The following PPP1R21 variants were observed in gnomAD, a reference collection of about 807,000 sequenced individuals.
PPP1R21 encodes the protein KLRAQ motif containing 1.
In PPP1R21, 85 loss-of-function variants were observed where a neutral mutation model predicts 112.8. The observed-to-expected ratio is 0.75, with a 90% CI of 0.63 to 0.90. PPP1R21 has a LOEUF of 0.90. PPP1R21 is among the 40% of genes least tolerant of loss of function. The pLI, the probability that PPP1R21 is intolerant of heterozygous loss-of-function variation, is 0.00. For missense variants in PPP1R21, 1,199 were observed against 901.5 expected, an observed-to-expected ratio of 1.33 and a Z score of -4.23; for synonymous variants, 381 against 322.3, an observed-to-expected ratio of 1.18 and a Z score of -1.95.
chr2:48,452,718 A>G (rs187164235), intron 2 of PPP1R21, among the ~76,000 whole-genome samples: 70 of 152,130 alleles, frequency 4.6e-4, no homozygotes, highest in East Asian at 3.9e-3. Flanking sequence ...GGTGTAATCA[A>G]TGCTCATTGA....
At chr2:48,461,631 A>G (rs1227341175) in intron 7 of PPP1R21, among the ~76,000 whole-genome samples, 2 of 152,180 alleles carry the variant, frequency 1.3e-5, no homozygotes, top group Non-Finnish European at 2.9e-5. Context: ...AATTCCCAGC[A>G]ATAGCTACGA....
At position 48,514,975 on chromosome 2, in the gene PPP1R21, A is replaced by G. The variant is rs1670809601; in HGVS notation, c.*231A>G. The stretch of plus-strand genomic sequence containing the variant: ...GTAAATGGAAAACAATACGTATGTC[A>G]TGGATATTGTAGGTTTCCTTATGCT... On this transcript the variant is annotated 3_prime_UTR_variant, in exon 22 of 22. Transcript: ENST00000294952. 1 of 528,802 alleles carries G rather than the reference A, an allele frequency of 1.9e-6. No individual in the cohort carries two copies. Among genetic ancestry groups the G allele is most frequent in the South Asian group, 3.0e-5 (1 of 33,390 alleles). The allele number at this position is 528,802 out of a possible 1,614,324, so 32.8% of individuals were successfully genotyped here.
At chr2:48,471,485 G>A in intron 11 of PPP1R21, 118 bp downstream of exon 11, 1 of 1,012,466 alleles carries the variant, frequency 9.9e-7, no homozygotes, top group Non-Finnish European at 1.4e-6. Context: ...CTGCTTCACA[G>A]TTAATTTGGA....
chr2:48,506,944 C>CAAA (rs11314362), intron 18 of PPP1R21, among the ~76,000 whole-genome samples: 1 of 96,472 alleles, frequency 1.0e-5, no homozygotes, highest in Non-Finnish European at 2.1e-5. Context: ...GACTCTGCCT[C>CAAA]AAAAAAAAAA....
chr2:48,445,882 C>T (rs537144506), intron 1 of PPP1R21, among the ~76,000 whole-genome samples: 113 of 152,276 alleles, frequency 7.4e-4, no homozygotes, highest in African/African-American at 2.6e-3. Flanking sequence ...GTAGGATTCC[C>T]AGTAATTTGG....
chr2:48,506,378 G>T (rs1353110042), intron 18 of PPP1R21, among the ~76,000 whole-genome samples: 1 of 152,120 alleles, frequency 6.6e-6, no homozygotes, highest in Non-Finnish European at 1.5e-5. Context: ...ACAGGCGTGA[G>T]CCACTGTGCC....
At chr2:48,491,243 T>C (rs1031808585) in intron 15 of PPP1R21, 73 bp downstream of exon 15, 2 of 1,509,172 alleles carry the variant, frequency 1.3e-6, no homozygotes, top group African/African-American at 1.4e-5. Context: ...CAAGAGTTTT[T>C]CTGCAGTTTA....
intron 1 of PPP1R21, among the ~76,000 whole-genome samples, chr2:48,442,891 T>G (rs1667095687): frequency 6.6e-6 from 1 of 152,042 alleles, no homozygotes; most frequent in South Asian, 2.1e-4. Context: ...AATGGAGAGA[T>G]GCCAAAGGTT....
At position 48,505,557 on chromosome 2, in the gene PPP1R21, G is replaced by A. The variant is rs1322799894; in HGVS notation, c.1936-7G>A. 1.9e-6 allele frequency: 3 copies of A among 1,547,374 alleles called. No individual in the cohort carries two copies. The highest frequency in any genetic ancestry group is 1.8e-6 in the Non-Finnish European group (2 of 1,142,536). ...TGTTCTAAAAGATTTTTCCCCTTAT[G>A]TTCTAGATTGGGACTTTAACCAGGA... is the stretch of plus-strand genomic sequence containing the variant. On this transcript the variant is annotated splice_polypyrimidine_tract_variant and splice_region_variant and intron_variant, in intron 17 of 21. Transcript: ENST00000294952.
intron 18 of PPP1R21, 130 bp downstream of exon 18, chr2:48,505,726 G>T: frequency 1.3e-6 from 1 of 788,620 alleles, no homozygotes; most frequent in Non-Finnish European, 2.2e-6. Context: ...AGCAAATGTG[G>T]AGCCAGTGTT....
intron 7 of PPP1R21, among the ~76,000 whole-genome samples, chr2:48,464,072 C>T (rs11678825): frequency 0.079 from 12,043 of 152,060 alleles, 675 homozygotes; most frequent in Non-Finnish European, 0.12. Flanking sequence ...GGACTTTACT[C>T]GGGATTCGTG....
chr2:48,448,327 CT>C (rs1667336612), intron 1 of PPP1R21, among the ~76,000 whole-genome samples: 1 of 152,164 alleles, frequency 6.6e-6, no homozygotes, highest in South Asian at 2.1e-4. Context: ...ACAGCAATAG[CT>C]TGAAAGTTTC....
At chr2:48,467,360 A>G (rs984505941) in intron 9 of PPP1R21, among the ~76,000 whole-genome samples, 1 of 152,254 alleles carries the variant, frequency 6.6e-6, no homozygotes, top group African/African-American at 2.4e-5. Flanking sequence ...TGTTGTGAGT[A>G]TATTAGCTAT....
intron 12 of PPP1R21, chr2:48,479,363 G>A (rs915155483): frequency 3.5e-5 from 14 of 403,072 alleles, no homozygotes; most frequent in East Asian, 7.3e-5. Context: ...TTTAAATACC[G>A]TAGCCTCTCA....
chr2:48,445,575 C>T (rs1221585645), intron 1 of PPP1R21, among the ~76,000 whole-genome samples: 1 of 152,158 alleles, frequency 6.6e-6, no homozygotes, highest in Non-Finnish European at 1.5e-5. Context: ...CCAAAGACCA[C>T]ACTTGGGACA....
In PPP1R21 at chr2:48,510,052, A is replaced by G; in HGVS notation, c.2123A>G (p.Lys708Arg). The change falls in exon 20 of 22, where the codon AAG becomes AGG. Residue 708 changes from lysine to arginine, a missense_variant. By Grantham distance (26) the Lys-to-Arg change is conservative. Transcript: ENST00000294952. ...ALSKRLALAE[K>R]SKEALTEEMK... The stretch of plus-strand genomic sequence containing the variant: ...TCTAAAAGACTGGCCTTGGCTGAAA[A>G]GTCTAAGGAAGCATTGACAGAAGAA... 6.2e-7 allele frequency: 1 copy of G among 1,613,936 alleles called. No individual in the cohort carries two copies. Among genetic ancestry groups the G allele is most frequent in the Non-Finnish European group, 8.5e-7 (1 of 1,179,832 alleles).
At position 48,463,248 on chromosome 2, in the gene PPP1R21, G is replaced by A. The variant is rs969336558; in HGVS notation, c.695-1689G>A. 3.3e-5 allele frequency among the ~76,000 whole-genome samples: 5 copies of A among 152,212 alleles called. No homozygotes were observed. In the East Asian group the frequency reaches 9.6e-4, roughly 29 times the overall value. The stretch of plus-strand genomic sequence containing the variant: ...GGTCCTTGGTGAGTTCTCCATCCCA[G>A]TGATCAGGAGGCAGAGGGGAGCTGT... On this transcript the variant is annotated intron_variant, in intron 7 of 21. Coordinates refer to ENST00000294952, the MANE Select transcript of PPP1R21 (RefSeq NM_001135629.3).
intron 9 of PPP1R21, among the ~76,000 whole-genome samples, chr2:48,468,825 ATGTATGTG>A (rs1424726898): frequency 2.3e-5 from 1 of 43,906 alleles, no homozygotes; most frequent in Non-Finnish European, 5.0e-5. Context: ...AAGAAAAAAA[ATGTATGTG>A]TGTGTGTGTG....
In PPP1R21 at chr2:48,511,488, G is replaced by T; in HGVS notation, c.2313+20G>T. ...AGTAAGGTATGTGAGGTGAGGTGAGGTAGTCTCTCTGCAATATAATATTTA... is the reference window on the plus strand; with the variant it reads ...AGTAAGGTATGTGAGGTGAGGTGAGTTAGTCTCTCTGCAATATAATATTTA... On this transcript the variant is annotated intron_variant, in intron 21 of 21. Coordinates refer to ENST00000294952, the MANE Select transcript of PPP1R21 (RefSeq NM_001135629.3). The T allele has an allele frequency of 6.2e-7, 1 of 1,604,808 alleles. No individual in the cohort carries two copies. The highest frequency in any genetic ancestry group is 8.5e-7 in the Non-Finnish European group (1 of 1,175,698).
Sources: allele counts gnomAD v4.1 joint callset (sites outside exome capture counted in the v4.1 genomes callset), GRCh38; gene constraint gnomAD v4.1.1; transcripts MANE v1.5; gene names NCBI Gene and HGNC (gene_info 2026-07-23, HGNC 2026-07-21).